The following LDAF1 variants were observed in gnomAD, a reference collection of about 807,000 sequenced individuals.
The protein encoded by LDAF1 is lipid droplet assembly factor 1.
A neutral mutation model predicts 13.5 loss-of-function variants in LDAF1; 7 were observed. The observed-to-expected ratio is 0.52, with a 90% confidence interval of 0.29 to 0.97. The LOEUF (loss-of-function observed/expected upper bound fraction) is 0.97, where lower values mean the gene tolerates loss of function less well. Among genes scored for constraint, LDAF1 ranks in the 50% least tolerant of loss-of-function variants. LDAF1 has a pLI of 0.07. For synonymous variants in LDAF1, 69 were observed against 77.1 expected (o/e 0.89, Z 0.55); for missense variants, 148 against 193.2 (o/e 0.77, Z 1.39).
intron 2 of LDAF1, chr16:21,169,196 C>T (rs752511401): frequency 2.0e-6 from 2 of 984,008 alleles, no homozygotes; most frequent in Non-Finnish European, 2.4e-6. Context: ...CGACTCTAGA[C>T]AAGTGACTTA....
chr16:21,178,206 G>C (rs369876225), intron 4 of LDAF1: 2 of 985,378 alleles, frequency 2.0e-6, no homozygotes, highest in Non-Finnish European at 1.2e-6. Context: ...AAACCACACT[G>C]CTTGGTTATG....
intron 2 of LDAF1, among the ~76,000 whole-genome samples, chr16:21,168,974 TATATATAATTATAAAC>T (rs913322681): frequency 1.6e-5 from 2 of 122,256 alleles, no homozygotes; most frequent in Middle Eastern, 4.3e-3. Flanking sequence ...TATATTATAT[TATATATAATTATAAAC>T]ATATATAATT....
chr16:21,168,788 A>G (rs1436109566), intron 2 of LDAF1, among the ~76,000 whole-genome samples: 2 of 130,856 alleles, frequency 1.5e-5, no homozygotes, highest in Non-Finnish European at 3.1e-5. Context: ...TTATATTTTT[A>G]TAAATATAAT....
At chr16:21,177,063 A>T (rs1392110374) in intron 4 of LDAF1, 1 of 152,220 alleles carries the variant, frequency 6.6e-6, no homozygotes, top group Non-Finnish European at 1.5e-5. Context: ...ATAAATAACA[A>T]ATTTTAATGA....
At chr16:21,167,475 A>G (rs1341518323) in intron 2 of LDAF1, among the ~76,000 whole-genome samples, 2 of 152,338 alleles carry the variant, frequency 1.3e-5, no homozygotes, top group Non-Finnish European at 1.5e-5. Flanking sequence ...GGATTTGCCT[A>G]TGGCCAGCTC....
intron 2 of LDAF1, chr16:21,166,733 A>G: frequency 1.2e-6 from 1 of 838,210 alleles, no homozygotes; most frequent in South Asian, 1.5e-5. Context: ...ATAAGGATGC[A>G]TGTGGATTCG....
chr16:21,165,396 G>A (rs2152843529), intron 2 of LDAF1, among the ~76,000 whole-genome samples: 1 of 152,300 alleles, frequency 6.6e-6, no homozygotes, highest in Admixed American at 6.5e-5. Flanking sequence ...GGGCAATAGA[G>A]TGAGATTCCA....
chr16:21,177,598 G>A (rs1047467927), intron 4 of LDAF1, among the ~76,000 whole-genome samples: 1 of 149,782 alleles, frequency 6.7e-6, no homozygotes, highest in Non-Finnish European at 1.5e-5. Flanking sequence ...TTTCATCTGA[G>A]AACCCTTGCA....
intron 4 of LDAF1, 54 bp from the exon 5 acceptor site, chr16:21,179,421 C>T (rs2093164766): frequency 8.1e-6 from 13 of 1,613,292 alleles, no homozygotes; most frequent in Admixed American, 6.7e-5. Context: ...ACACTTCCAA[C>T]GTTGCTCTTT....
At chr16:21,175,595 C>T (rs1369715050) in intron 4 of LDAF1, among the ~76,000 whole-genome samples, 1 of 152,192 alleles carries the variant, frequency 6.6e-6, no homozygotes, top group African/African-American at 2.4e-5. Flanking sequence ...GCAGCACAGA[C>T]CAGGAAGTAA....
chr16:21,165,297 C>T (rs1255531352), intron 2 of LDAF1, among the ~76,000 whole-genome samples: 1 of 152,086 alleles, frequency 6.6e-6, no homozygotes, highest in African/African-American at 2.4e-5. Context: ...CCCATCTCTA[C>T]TAAAAAATAT....
chr16:21,178,170 G>A lies in LDAF1; in HGVS notation c.405-1305G>A, dbSNP rs16971158. ...TCAAATACACTGACCTGCCTCCTATGTAGATCAGCTAGCCTCTGAGGGGCA... is the reference window on the plus strand; with the variant it reads ...TCAAATACACTGACCTGCCTCCTATATAGATCAGCTAGCCTCTGAGGGGCA... On this transcript the variant is annotated intron_variant, in intron 4 of 4. Coordinates refer to ENST00000233047, the MANE Select transcript of LDAF1 (RefSeq NM_001301771.2). The A allele has an allele frequency of 1.4e-3, 1,344 of 980,700 alleles. 40 individuals are homozygous for A. The East Asian group carries it at 0.077, about 56-fold the overall frequency. 60.7% of individuals were successfully genotyped at this position (980,700 alleles called of 1,614,324 possible).
intron 2 of LDAF1, among the ~76,000 whole-genome samples, chr16:21,169,809 A>C (rs2093067946): frequency 6.6e-6 from 1 of 151,932 alleles, no homozygotes; most frequent in Admixed American, 6.6e-5. Flanking sequence ...TCCTCCTTTC[A>C]CAAGGCTTGA....
At chr16:21,175,928 T>C (rs1318045319) in intron 4 of LDAF1, among the ~76,000 whole-genome samples, 2 of 152,172 alleles carry the variant, frequency 1.3e-5, no homozygotes, top group East Asian at 3.9e-4. Context: ...ATTTTACTTA[T>C]AAAATGGGGT....
chr16:21,159,560 G>C (rs1354324246), intron 1 of LDAF1: 1 of 983,730 alleles, frequency 1.0e-6, no homozygotes, highest in Non-Finnish European at 1.5e-6. Context: ...AAGGGGAAAG[G>C]GTTAGCTGGT....
Position 21,179,817 on chromosome 16 carries a change from C to A in LDAF1, c.*261C>A, listed in dbSNP as rs772568102. 1.9e-4 allele frequency: 74 copies of A among 392,678 alleles called. No individual in the cohort carries two copies. The highest frequency in any genetic ancestry group is 3.1e-4 in the Non-Finnish European group (66 of 216,160). The allele number at this position is 392,678 out of a possible 1,614,324, so 24.3% of individuals were successfully genotyped here. ...CCCAAGTATGCAGACTTGACCTTGG[C>A]GGGGTCCTGGGCTTCTAGAGTCTAG... On this transcript the variant is annotated 3_prime_UTR_variant, in exon 5 of 5. Transcript: ENST00000233047.
At chr16:21,170,268 G>A (rs1267238356) in intron 2 of LDAF1, 169 bp from the exon 3 acceptor site, 1 of 980,492 alleles carries the variant, frequency 1.0e-6, no homozygotes, top group Non-Finnish European at 1.2e-6. Context: ...CTCCCAAAGT[G>A]TTGGGATTAC....
intron 2 of LDAF1, among the ~76,000 whole-genome samples, chr16:21,169,936 G>T (rs190668988): frequency 3.4e-5 from 5 of 146,492 alleles, no homozygotes; most frequent in Non-Finnish European, 7.5e-5. Context: ...TTTTTGAGAC[G>T]GAGTTTCGCT....
At chr16:21,166,730 T>C in intron 2 of LDAF1, 1 of 807,776 alleles carries the variant, frequency 1.2e-6, no homozygotes, top group South Asian at 1.6e-5. Context: ...CAAATAAGGA[T>C]GCATGTGGAT....
Sources: allele counts gnomAD v4.1 joint callset (sites outside exome capture counted in the v4.1 genomes callset), GRCh38; gene constraint gnomAD v4.1.1; transcripts MANE v1.5; gene names NCBI Gene and HGNC (gene_info 2026-07-23, HGNC 2026-07-21).